The following PTPRD variants were observed in gnomAD, a reference collection of about 807,000 sequenced individuals.
PTPRD encodes protein tyrosine phosphatase receptor type D, also known as receptor-type tyrosine-protein phosphatase delta.
A neutral mutation model predicts 214.5 loss-of-function variants in PTPRD; 34 were observed. That is an observed-to-expected ratio of 0.16 (90% confidence interval 0.12 to 0.21). The LOEUF (loss-of-function observed/expected upper bound fraction) is 0.21, where lower values mean the gene tolerates loss of function less well. PTPRD is among the 10% of genes least tolerant of loss of function. The probability of loss-of-function intolerance (pLI) is 1.00; values close to 1 mark genes in which losing one functional copy is unlikely to be tolerated. For synonymous variants in PTPRD, 1,128 were observed against 845.7 expected, an observed-to-expected ratio of 1.33 and a Z score of -5.79; for missense variants, 2,545 against 2,398.7, an observed-to-expected ratio of 1.06 and a Z score of -1.27.
chr9:10,353,951 A>G (rs2154460332), intron 2 of PTPRD, among the ~76,000 whole-genome samples: 1 of 152,220 alleles, frequency 6.6e-6, no homozygotes, highest in African/African-American at 2.4e-5. Context: ...TAAATTTTTT[A>G]CTTATTAAAT....
intron 2 of PTPRD, among the ~76,000 whole-genome samples, chr9:10,393,707 AATAT>A (rs890394137): frequency 6.8e-6 from 1 of 147,238 alleles, no homozygotes; most frequent in African/African-American, 2.5e-5. Flanking sequence ...TAATATATAT[AATAT>A]ATATATAATC....
At chr9:10,279,678 T>C (rs1416221900) in intron 3 of PTPRD, among the ~76,000 whole-genome samples, 1 of 150,928 alleles carries the variant, frequency 6.6e-6, no homozygotes, top group Non-Finnish European at 1.5e-5. Flanking sequence ...CTAGACACTA[T>C]GCTAGCTTAT....
chr9:8,824,370 TA>T (rs2097135326), intron 11 of PTPRD, among the ~76,000 whole-genome samples: 1 of 152,128 alleles, frequency 6.6e-6, no homozygotes, highest in African/African-American at 2.4e-5. Flanking sequence ...TTAGGCCAAA[TA>T]GGGGCGATGA....
At chr9:9,805,742 A>T (rs2099069036) in intron 5 of PTPRD, among the ~76,000 whole-genome samples, 1 of 152,140 alleles carries the variant, frequency 6.6e-6, no homozygotes, top group African/African-American at 2.4e-5. Flanking sequence ...TCTATTCTCA[A>T]AGGAAGAATG....
chr9:9,072,922 T>C (rs778148682), intron 10 of PTPRD, among the ~76,000 whole-genome samples: 7 of 152,198 alleles, frequency 4.6e-5, no homozygotes, highest in African/African-American at 1.7e-4. Context: ...TATGAAGGCA[T>C]ATAAAAAATT....
At chr9:9,537,310 G>A (rs1191470855) in intron 8 of PTPRD, among the ~76,000 whole-genome samples, 1 of 151,902 alleles carries the variant, frequency 6.6e-6, no homozygotes, top group Non-Finnish European at 1.5e-5. Context: ...TTTAAGTAGT[G>A]GAGTTGGAAT....
chr9:9,499,336 G>C (rs186341871), intron 8 of PTPRD, among the ~76,000 whole-genome samples: 1 of 151,912 alleles, frequency 6.6e-6, no homozygotes, highest in Non-Finnish European at 1.5e-5. Flanking sequence ...CATGAATTCT[G>C]ACTTCTCCTT....
At chr9:10,479,168 A>C (rs2099081228) in intron 2 of PTPRD, among the ~76,000 whole-genome samples, 1 of 152,184 alleles carries the variant, frequency 6.6e-6, no homozygotes, top group Admixed American at 6.5e-5. Context: ...TATAATTCTC[A>C]GAATGCTAAG....
At chr9:9,967,728 G>A (rs73404539) in intron 4 of PTPRD, among the ~76,000 whole-genome samples, 3,298 of 152,138 alleles carry the variant, frequency 0.022, 110 homozygotes, top group African/African-American at 0.074. Flanking sequence ...ATGTGCTTTC[G>A]CTTTTTTATT....
chr9:9,544,858 T>C (rs1405745384), intron 8 of PTPRD, among the ~76,000 whole-genome samples: 3 of 151,532 alleles, frequency 2.0e-5, no homozygotes, highest in African/African-American at 7.3e-5. Flanking sequence ...AATTAAAAAG[T>C]AGGAAATCTG....
intron 11 of PTPRD, among the ~76,000 whole-genome samples, chr9:8,968,771 A>G (rs2099216749): frequency 6.8e-6 from 1 of 147,292 alleles, no homozygotes; most frequent in Non-Finnish European, 1.5e-5. Context: ...TTATAAATTA[A>G]ACAGTAAGTT....
intron 39 of PTPRD, among the ~76,000 whole-genome samples, chr9:8,364,391 C>A (rs2079255823): frequency 1.3e-5 from 2 of 152,228 alleles, no homozygotes; most frequent in African/African-American, 4.8e-5. Context: ...TGACAAATTT[C>A]TTTCTCTCTT....
chr9:9,544,276 T>C (rs1162422633), intron 8 of PTPRD, among the ~76,000 whole-genome samples: 1 of 151,670 alleles, frequency 6.6e-6, no homozygotes, highest in East Asian at 1.9e-4. Flanking sequence ...AATATTAATT[T>C]CTGCGACATT....
chr9:8,632,422 T>C (rs926937507), intron 14 of PTPRD, among the ~76,000 whole-genome samples: 89 of 152,108 alleles, frequency 5.9e-4, no homozygotes, highest in African/African-American at 2.0e-3. Flanking sequence ...CTTTCCAATT[T>C]CTTTCATGTT....
At chr9:9,315,772 G>C (rs1469850841) in intron 9 of PTPRD, among the ~76,000 whole-genome samples, 2 of 148,204 alleles carry the variant, frequency 1.3e-5, no homozygotes, top group South Asian at 4.3e-4. Context: ...TGAATCTGGG[G>C]TTAAATCCTT....
chr9:8,785,622 G>A (rs561399417), intron 11 of PTPRD, among the ~76,000 whole-genome samples: 2 of 152,286 alleles, frequency 1.3e-5, no homozygotes, highest in African/African-American at 2.4e-5. Context: ...CCATGTCACA[G>A]AATTACTGCC....
At chr9:10,568,545 G>A (rs998192440) in intron 2 of PTPRD, among the ~76,000 whole-genome samples, 2 of 152,036 alleles carry the variant, frequency 1.3e-5, no homozygotes, top group African/African-American at 4.8e-5. Flanking sequence ...TCGCCCCACT[G>A]ACTTCCACAA....
At chr9:10,148,724 C>T (rs1170757717) in intron 3 of PTPRD, among the ~76,000 whole-genome samples, 1 of 152,174 alleles carries the variant, frequency 6.6e-6, no homozygotes, top group Non-Finnish European at 1.5e-5. Flanking sequence ...CTTTTACCAA[C>T]TGTAATGCCC....
chr9:10,598,684 GTGTGTGTGTGTGT>G (rs2077185053), intron 2 of PTPRD, among the ~76,000 whole-genome samples: 4 of 100,804 alleles, frequency 4.0e-5, no homozygotes, highest in African/African-American at 1.4e-4. Context: ...ATGTGTGTGT[GTGTGTGTGTGTGT>G]GTGTGTGGTG....
Sources: gnomAD v4.1 joint callset for allele counts (sites outside exome capture counted in the v4.1 genomes callset) on GRCh38, gnomAD v4.1.1 for gene constraint, MANE v1.5 for transcripts, NCBI Gene and HGNC (gene_info 2026-07-23, HGNC 2026-07-21) for gene names.